The following RASGRF2 variants were observed in gnomAD, a reference collection of about 807,000 sequenced individuals.
RASGRF2 encodes ras-specific guanine nucleotide-releasing factor 2.
RASGRF2 carries 76 observed loss-of-function variants against 151.0 expected under a neutral mutation model. The observed-to-expected ratio is 0.50, with a 90% CI of 0.42 to 0.61. The LOEUF (loss-of-function observed/expected upper bound fraction) is 0.61, where lower values mean the gene tolerates loss of function less well. RASGRF2 is among the 20% of genes least tolerant of loss of function. RASGRF2 has a pLI of 0.00. For synonymous variants in RASGRF2, 504 were observed against 566.5 expected (o/e 0.89, Z 1.57); for missense variants, 1,148 against 1,564.6 (o/e 0.73, Z 4.49).
At chr5:81,002,479 G>C (rs1312765935) in intron 1 of RASGRF2, among the ~76,000 whole-genome samples, 1 of 152,162 alleles carries the variant, frequency 6.6e-6, no homozygotes, top group Non-Finnish European at 1.5e-5. Context: ...ACAATAATTT[G>C]TGGCAACCTG....
At position 81,026,560 on chromosome 5, in the gene RASGRF2, A is replaced by G. The variant is rs149907576; in HGVS notation, c.289-16317A>G. Among the ~76,000 whole-genome samples the G allele has an allele frequency of 6.2e-3, 949 of 152,276 alleles. 9 individuals carry two copies. The highest frequency in any genetic ancestry group is 0.022 in the African/African-American group (924 of 41,540). ...ATGCACGTACAAACAGAAAAGAAAT[A>G]AGTAGGTAGAAGGCAGAATAGTGAA... On this transcript the variant is annotated intron_variant, in intron 1 of 26. Coordinates refer to ENST00000265080, the MANE Select transcript of RASGRF2 (RefSeq NM_006909.3).
intron 1 of RASGRF2, among the ~76,000 whole-genome samples, chr5:81,013,194 C>G (rs1749525042): frequency 6.6e-6 from 1 of 152,208 alleles, no homozygotes; most frequent in South Asian, 2.1e-4. Context: ...TAGGTAGCAG[C>G]TGAAATCTTT....
intron 17 of RASGRF2, among the ~76,000 whole-genome samples, chr5:81,134,086 G>GTGTA (rs1322138625): frequency 6.6e-6 from 1 of 151,308 alleles, no homozygotes; most frequent in Non-Finnish European, 1.5e-5. Flanking sequence ...GTGCGTGTGT[G>GTGTA]TGTGTGTGTG....
rs370420964 is a variant in RASGRF2, at chr5:81,070,615, A to G, written c.633+34A>G. On this transcript the variant is annotated intron_variant, in intron 4 of 26. Coordinates refer to ENST00000265080, the MANE Select transcript of RASGRF2 (RefSeq NM_006909.3). Reference sequence around the variant, plus strand: ...TGGAGGTTTCCAGCTTTGTAGGAGCATGGTGACCAGTCGTCTGTTCTATGG... The same window carrying G: ...TGGAGGTTTCCAGCTTTGTAGGAGCGTGGTGACCAGTCGTCTGTTCTATGG... The G allele has an allele frequency of 5.2e-6, 8 of 1,529,066 alleles. No individual in the cohort carries two copies. In the African/African-American group the frequency reaches 6.9e-5, roughly 13 times the overall value. The allele number at this position is 1,529,066 out of a possible 1,614,324, so 94.7% of individuals were successfully genotyped here.
intron 17 of RASGRF2, among the ~76,000 whole-genome samples, chr5:81,155,723 A>T (rs78508413): frequency 0.013 from 1,935 of 152,200 alleles, 48 homozygotes; most frequent in African/African-American, 0.044. Context: ...GACTGGTCTA[A>T]AGCATTTATT....
intron 2 of RASGRF2, among the ~76,000 whole-genome samples, chr5:81,063,237 G>A (rs1439709326): frequency 1.3e-5 from 2 of 152,010 alleles, no homozygotes; most frequent in Non-Finnish European, 2.9e-5. Context: ...TTCAGGGAAA[G>A]TTTCTTCCAT....
At chr5:81,165,809 A>G (rs1453727869) in intron 17 of RASGRF2, among the ~76,000 whole-genome samples, 1 of 151,848 alleles carries the variant, frequency 6.6e-6, no homozygotes, top group Non-Finnish European at 1.5e-5. Flanking sequence ...GCCAGTGTAG[A>G]TCTCTGCCAA....
intron 5 of RASGRF2, among the ~76,000 whole-genome samples, 192 bp from the exon 6 acceptor site, chr5:81,079,929 A>C (rs558378125): frequency 6.6e-6 from 1 of 152,132 alleles, no homozygotes; most frequent in Admixed American, 6.6e-5. Context: ...TTTGAATGTT[A>C]TATCAGGGTT....
intron 9 of RASGRF2, 85 bp downstream of exon 9, chr5:81,087,038 C>T (rs1752252690): frequency 2.7e-5 from 34 of 1,277,922 alleles, no homozygotes; most frequent in Non-Finnish European, 3.6e-5. Flanking sequence ...GCGTTCTGAA[C>T]AGGCGTGACG....
chr5:80,982,105 T>C (rs1748320176), intron 1 of RASGRF2, among the ~76,000 whole-genome samples: 1 of 152,164 alleles, frequency 6.6e-6, no homozygotes, highest in African/African-American at 2.4e-5. Context: ...TCTGGAGGTA[T>C]ATTCTCAACT....
intron 12 of RASGRF2, among the ~76,000 whole-genome samples, chr5:81,099,757 T>C (rs1485527706): frequency 6.6e-6 from 1 of 152,220 alleles, no homozygotes; most frequent in Non-Finnish European, 1.5e-5. Flanking sequence ...TAACATTTTC[T>C]ACTATTTCTG....
At chr5:81,067,929 A>C in intron 2 of RASGRF2, 103 bp from the exon 3 acceptor site, 1 of 1,013,300 alleles carries the variant, frequency 9.9e-7, no homozygotes, top group Non-Finnish European at 1.3e-6. Context: ...CTGAACAAAC[A>C]ATGCTCATAA....
chr5:81,013,876 A>G (rs1749548245), intron 1 of RASGRF2, among the ~76,000 whole-genome samples: 1 of 152,116 alleles, frequency 6.6e-6, no homozygotes, highest in African/African-American at 2.4e-5. Flanking sequence ...TAAAGCTGTT[A>G]TCATAGTACC....
chr5:81,102,977 A>T (rs1193103991), intron 12 of RASGRF2, among the ~76,000 whole-genome samples: 1 of 152,162 alleles, frequency 6.6e-6, no homozygotes, highest in Non-Finnish European at 1.5e-5. Context: ...AATTAGCGCT[A>T]CAAGAACCTG....
chr5:81,059,574 C>T (rs183085797), intron 2 of RASGRF2, among the ~76,000 whole-genome samples: 76 of 151,776 alleles, frequency 5.0e-4, no homozygotes, highest in East Asian at 1.8e-3. Flanking sequence ...GGGCTGGGCG[C>T]GGTGGCTCAC....
chr5:81,044,395 G>C (rs1750770260), intron 2 of RASGRF2, among the ~76,000 whole-genome samples: 1 of 151,974 alleles, frequency 6.6e-6, no homozygotes, highest in Non-Finnish European at 1.5e-5. Flanking sequence ...TCCAGTCTTG[G>C]GGAGAGAGCA....
intron 17 of RASGRF2, among the ~76,000 whole-genome samples, chr5:81,156,327 G>A (rs1475747246): frequency 1.3e-5 from 2 of 152,096 alleles, no homozygotes; most frequent in East Asian, 3.9e-4. Flanking sequence ...CCAGAAAATG[G>A]AGGAGAAAAC....
chr5:81,178,888 G>T (rs189973176), intron 17 of RASGRF2, among the ~76,000 whole-genome samples: 1,982 of 152,184 alleles, frequency 0.013, 37 homozygotes, highest in African/African-American at 0.044. Flanking sequence ...ACAGGCGCCC[G>T]CCACCACGCC....
intron 1 of RASGRF2, among the ~76,000 whole-genome samples, chr5:81,004,263 A>G: frequency 6.6e-6 from 1 of 152,356 alleles, no homozygotes; most frequent in East Asian, 1.9e-4. Flanking sequence ...CTGTCATTTA[A>G]CAGGGGAGAC....
Sources: gnomAD v4.1 joint callset for allele counts (sites outside exome capture counted in the v4.1 genomes callset) on GRCh38, gnomAD v4.1.1 for gene constraint, MANE v1.5 for transcripts, NCBI Gene and HGNC (gene_info 2026-07-23, HGNC 2026-07-21) for gene names.